Variants in CSMD1 observed in about 807,000 individuals in gnomAD.
The protein encoded by CSMD1 is CUB and Sushi multiple domains 1, also known as CUB and sushi domain-containing protein 1.
A neutral mutation model predicts 417.5 loss-of-function variants in CSMD1; 213 were observed. That is an observed-to-expected ratio of 0.51 (90% confidence interval 0.46 to 0.57). CSMD1 has a LOEUF of 0.57. Ranked by LOEUF, CSMD1 falls within the 20% of genes least tolerant of loss-of-function variation. CSMD1 has a pLI of 0.00. For synonymous variants in CSMD1, 2,862 were observed against 1,736.8 expected, an observed-to-expected ratio of 1.65 and a Z score of -16.11; for missense variants, 6,923 against 4,529.7, an observed-to-expected ratio of 1.53 and a Z score of -15.17.
chr8:3,313,463 A>T (rs1805511583), intron 23 of CSMD1, among the ~76,000 whole-genome samples: 1 of 152,254 alleles, frequency 6.6e-6, no homozygotes, highest in South Asian at 2.1e-4. Flanking sequence ...ATGTGAACAG[A>T]CACCTCTCAA....
At chr8:4,199,314 C>G (rs368059330) in intron 3 of CSMD1, among the ~76,000 whole-genome samples, 159 of 152,214 alleles carry the variant, frequency 1.0e-3, no homozygotes, top group African/African-American at 3.6e-3. Context: ...GGTGCTTTTT[C>G]ATAGTTTGAG....
At chr8:4,062,233 T>C (rs1020431111) in intron 3 of CSMD1, among the ~76,000 whole-genome samples, 1 of 152,110 alleles carries the variant, frequency 6.6e-6, no homozygotes, top group Non-Finnish European at 1.5e-5. Context: ...CACACAAGTC[T>C]AATTTCCTCA....
At chr8:4,136,536 A>T (rs996704095) in intron 3 of CSMD1, among the ~76,000 whole-genome samples, 39 of 152,158 alleles carry the variant, frequency 2.6e-4, no homozygotes, top group African/African-American at 9.2e-4. Flanking sequence ...CTCTTCAATG[A>T]CTCTCAGCAA....
chr8:4,184,378 G>C (rs150302843), intron 3 of CSMD1, among the ~76,000 whole-genome samples: 47 of 152,254 alleles, frequency 3.1e-4, no homozygotes, highest in African/African-American at 1.1e-3. Context: ...CTGAAAACTA[G>C]CTATTTCCAA....
chr8:4,308,784 A>C (rs1278240990), intron 3 of CSMD1, among the ~76,000 whole-genome samples: 1 of 152,192 alleles, frequency 6.6e-6, no homozygotes, highest in East Asian at 1.9e-4. Flanking sequence ...TATTTACAAA[A>C]CTAATTCACA....
intron 1 of CSMD1, among the ~76,000 whole-genome samples, chr8:4,910,569 A>G (rs1805595298): frequency 6.6e-6 from 1 of 152,140 alleles, no homozygotes; most frequent in Admixed American, 6.6e-5. Context: ...CGCTAATTCC[A>G]TTCATGAAAG....
intron 7 of CSMD1, among the ~76,000 whole-genome samples, chr8:3,621,434 G>A (rs1056075178): frequency 2.0e-5 from 3 of 152,178 alleles, no homozygotes; most frequent in South Asian, 4.2e-4. Context: ...CAGGGGCTGG[G>A]GCAAAGGGAA....
intron 2 of CSMD1, among the ~76,000 whole-genome samples, chr8:4,432,653 G>C (rs1311418944): frequency 6.6e-6 from 1 of 152,160 alleles, no homozygotes; most frequent in Admixed American, 6.5e-5. Context: ...AGACCATGCA[G>C]GTGGAGAGCA....
intron 1 of CSMD1, among the ~76,000 whole-genome samples, chr8:4,649,700 A>G (rs942349123): frequency 6.6e-6 from 1 of 152,250 alleles, no homozygotes; most frequent in Non-Finnish European, 1.5e-5. Context: ...AAAAAAATTA[A>G]ACGTTTTTGT....
At position 2,957,714 on chromosome 8, in the gene CSMD1, T is replaced by A; in HGVS notation, c.9796A>T (p.Ile3266Leu). 6.3e-7 allele frequency: 1 copy of A among 1,592,068 alleles called. No homozygotes were observed. Among genetic ancestry groups the A allele is most frequent in the Non-Finnish European group, 8.6e-7 (1 of 1,167,614 alleles). The change falls in exon 63 of 70, where the codon ATA becomes TTA. Residue 3266 changes from isoleucine to leucine, a missense_variant. Physicochemically the swap from Ile to Leu is conservative, Grantham distance 5. Coordinates refer to ENST00000635120, the MANE Select transcript of CSMD1 (RefSeq NM_033225.6). ...TCLANLTWSGIQTECIPHACR... is the reference protein window; with the variant it reads ...TCLANLTWSGLQTECIPHACR... ...CACTTACGTATACATTCGGTCTGTA[T>A]CCCACTCCATGTTAAATTGGCAAGG...
chr8:4,030,376 T>A (rs1797280945), intron 4 of CSMD1, among the ~76,000 whole-genome samples: 1 of 152,194 alleles, frequency 6.6e-6, no homozygotes, highest in Non-Finnish European at 1.5e-5. Context: ...CAAACCCAAA[T>A]TATTGACTTC....
chr8:4,220,357 G>C (rs58111999), intron 3 of CSMD1, among the ~76,000 whole-genome samples: 392 of 152,284 alleles, frequency 2.6e-3, no homozygotes, highest in African/African-American at 9.1e-3. Flanking sequence ...GCAGGAAAGA[G>C]GACCACACCA....
At chr8:3,476,778 C>G (rs897919427) in intron 11 of CSMD1, among the ~76,000 whole-genome samples, 2 of 151,916 alleles carry the variant, frequency 1.3e-5, no homozygotes. Flanking sequence ...ATTAGCCAGG[C>G]TTGGTGGCAG....
chr8:4,720,117 T>A (rs904321805), intron 1 of CSMD1, among the ~76,000 whole-genome samples: 1 of 150,576 alleles, frequency 6.6e-6, no homozygotes, highest in Non-Finnish European at 1.5e-5. Context: ...AATCTGTGGT[T>A]TGGAGTTTTT....
intron 4 of CSMD1, among the ~76,000 whole-genome samples, chr8:4,014,026 C>A (rs952726556): frequency 6.6e-6 from 1 of 151,938 alleles, no homozygotes; most frequent in East Asian, 1.9e-4. Context: ...AAAGGACATA[C>A]GGAGAAATAT....
chr8:3,422,388 C>G (rs1428826717), intron 12 of CSMD1, among the ~76,000 whole-genome samples: 1 of 152,104 alleles, frequency 6.6e-6, no homozygotes, highest in African/African-American at 2.4e-5. Flanking sequence ...GATTTGGGGC[C>G]ACTTTCCACA....
intron 1 of CSMD1, among the ~76,000 whole-genome samples, chr8:4,751,192 C>G: frequency 6.6e-6 from 1 of 152,148 alleles, no homozygotes; most frequent in Admixed American, 6.5e-5. Context: ...CCAGACCAGC[C>G]TGGCCAACAT....
chr8:4,647,188 G>C (rs547209911), intron 1 of CSMD1, among the ~76,000 whole-genome samples: 1 of 151,342 alleles, frequency 6.6e-6, no homozygotes, highest in South Asian at 2.1e-4. Flanking sequence ...TAGGCCACTG[G>C]GCCATACGTA....
At chr8:4,572,089 T>C (rs1798921256) in intron 2 of CSMD1, among the ~76,000 whole-genome samples, 1 of 152,252 alleles carries the variant, frequency 6.6e-6, no homozygotes, top group South Asian at 2.1e-4. Flanking sequence ...GTCTGTGTCT[T>C]TTAATTGGGG....
Sources: allele counts gnomAD v4.1 joint callset (sites outside exome capture counted in the v4.1 genomes callset), GRCh38; gene constraint gnomAD v4.1.1; transcripts MANE v1.5; gene names NCBI Gene and HGNC (gene_info 2026-07-23, HGNC 2026-07-21).